The following PLCL1 variants were observed in gnomAD, a reference collection of about 807,000 sequenced individuals.
PLCL1 encodes the protein phospholipase C like 1 (inactive).
In PLCL1, 41 loss-of-function variants were observed where a neutral mutation model predicts 84.4. The ratio of observed to expected loss-of-function variants is 0.49; its 90% CI spans 0.38 to 0.63. PLCL1 has a LOEUF of 0.63. PLCL1 is among the 30% of genes least tolerant of loss of function. PLCL1 has a pLI of 0.00. For synonymous variants in PLCL1, 490 were observed against 488.3 expected (o/e 1.00, Z -0.05); for missense variants, 1,206 against 1,367.8 (o/e 0.88, Z 1.87).
chr2:198,090,079 G>C (rs899246083), intron 3 of PLCL1, among the ~76,000 whole-genome samples: 3 of 151,932 alleles, frequency 2.0e-5, no homozygotes, highest in African/African-American at 7.2e-5. Flanking sequence ...TCCTTTTCTT[G>C]GATTTATTCT....
chr2:197,844,361 G>A (rs1178635946), intron 1 of PLCL1, among the ~76,000 whole-genome samples: 1 of 151,678 alleles, frequency 6.6e-6, no homozygotes, highest in Non-Finnish European at 1.5e-5. Flanking sequence ...GTATAAATGA[G>A]TCATATAATA....
chr2:197,824,540 C>T (rs1000369154), intron 1 of PLCL1, among the ~76,000 whole-genome samples: 1 of 151,480 alleles, frequency 6.6e-6, no homozygotes, highest in East Asian at 1.9e-4. Flanking sequence ...ATAGTGAGAC[C>T]CCATCTGTAC....
At position 197,968,143 on chromosome 2, in the gene PLCL1, T is replaced by C. The variant is rs181476379; in HGVS notation, c.241-115615T>C. 6.3e-4 allele frequency among the ~76,000 whole-genome samples: 96 copies of C among 152,378 alleles called. 3 individuals are homozygous for C. The South Asian group carries it at 0.014, about 22-fold the overall frequency. ...TGCTTTTGTGTGTTACATTATGCTT[T>C]AGAATTTCAAGGTTCTGAAATTATT... On this transcript the variant is annotated intron_variant, in intron 1 of 5. Transcript: ENST00000428675.
chr2:197,897,408 T>C (rs1226790797), intron 1 of PLCL1, among the ~76,000 whole-genome samples: 1 of 152,136 alleles, frequency 6.6e-6, no homozygotes, highest in Admixed American at 6.5e-5. Flanking sequence ...GTTCATAGTG[T>C]GGCTTCTGAG....
intron 3 of PLCL1, among the ~76,000 whole-genome samples, chr2:198,100,401 A>G (rs1693302393): frequency 6.6e-6 from 1 of 152,102 alleles, no homozygotes; most frequent in Admixed American, 6.6e-5. Context: ...CAGGAAACTA[A>G]TAGAGGAGAG....
intron 1 of PLCL1, among the ~76,000 whole-genome samples, chr2:197,873,139 A>G (rs918515544): frequency 6.6e-6 from 1 of 152,160 alleles, no homozygotes; most frequent in Non-Finnish European, 1.5e-5. Flanking sequence ...TTATAATATA[A>G]TTATTCAACA....
chr2:198,139,062 G>A (rs1694322001), intron 5 of PLCL1, among the ~76,000 whole-genome samples: 1 of 152,100 alleles, frequency 6.6e-6, no homozygotes, highest in South Asian at 2.1e-4. Flanking sequence ...GGCTGAGGCA[G>A]GAGAATCGCT....
intron 5 of PLCL1, among the ~76,000 whole-genome samples, chr2:198,140,539 T>C (rs1694361561): frequency 1.3e-5 from 2 of 152,160 alleles, no homozygotes; most frequent in African/African-American, 4.8e-5. Context: ...CAAAGAAAGC[T>C]TGATAGGAAA....
At chr2:198,087,234 T>C (rs1029797862) in intron 2 of PLCL1, among the ~76,000 whole-genome samples, 1 of 152,184 alleles carries the variant, frequency 6.6e-6, no homozygotes, top group Admixed American at 6.5e-5. Context: ...GTTACACTTA[T>C]CGCAAAATTA....
intron 1 of PLCL1, among the ~76,000 whole-genome samples, chr2:197,982,649 T>G (rs1484917281): frequency 6.6e-6 from 1 of 152,216 alleles, no homozygotes; most frequent in Non-Finnish European, 1.5e-5. Flanking sequence ...ATATGTAAAC[T>G]TTAATATATC....
rs560347971 is a variant in PLCL1 at position 198,145,330 on chromosome 2, CAG to C, written c.3106-1447_3106-1446del. On this transcript the variant is annotated intron_variant, in intron 5 of 5. Coordinates refer to ENST00000428675, the MANE Select transcript of PLCL1 (RefSeq NM_006226.4). ...CTTTAGAAAATACATCTCTCACTGA[CAG>C]AGTCTTTAGGCTCTAATCTCTAGTC... 7.9e-5 allele frequency among the ~76,000 whole-genome samples: 12 copies of C among 152,312 alleles called. No homozygotes were observed. In the South Asian group the frequency reaches 2.5e-3, roughly 32 times the overall value.
At chr2:197,983,297 A>G (rs2105806761) in intron 1 of PLCL1, among the ~76,000 whole-genome samples, 1 of 132,718 alleles carries the variant, frequency 7.5e-6, no homozygotes, top group Middle Eastern at 4.5e-3. Flanking sequence ...TGGCACAATC[A>G]CAACTCACTG....
intron 1 of PLCL1, among the ~76,000 whole-genome samples, chr2:197,918,565 A>T (rs1688639462): frequency 6.6e-6 from 1 of 152,210 alleles, no homozygotes; most frequent in South Asian, 2.1e-4. Context: ...ACAGTCTGAT[A>T]CTGTTCTAAA....
chr2:197,945,165 G>A (rs886415230), intron 1 of PLCL1, among the ~76,000 whole-genome samples: 1 of 152,082 alleles, frequency 6.6e-6, no homozygotes, highest in Admixed American at 6.6e-5. Context: ...AATTAGTCAC[G>A]GCAGCTTTGT....
intron 5 of PLCL1, among the ~76,000 whole-genome samples, chr2:198,132,338 G>A (rs748612506): frequency 6.6e-6 from 1 of 152,128 alleles, no homozygotes; most frequent in Non-Finnish European, 1.5e-5. Context: ...CAAGGTCAGC[G>A]TGGGGCTGTT....
intron 1 of PLCL1, among the ~76,000 whole-genome samples, chr2:197,869,252 A>T (rs1462405631): frequency 6.6e-6 from 1 of 152,128 alleles, no homozygotes; most frequent in Non-Finnish European, 1.5e-5. Flanking sequence ...TATCATATCA[A>T]ATTGCTTCCA....
chr2:198,030,806 T>C (rs1351289250), intron 1 of PLCL1, among the ~76,000 whole-genome samples: 2 of 152,214 alleles, frequency 1.3e-5, no homozygotes, highest in Non-Finnish European at 2.9e-5. Context: ...ACATGTTTTC[T>C]ACTCCATTGT....
chr2:198,123,895 T>C (rs187305878), intron 5 of PLCL1, among the ~76,000 whole-genome samples: 1 of 152,108 alleles, frequency 6.6e-6, no homozygotes, highest in Admixed American at 6.5e-5. Flanking sequence ...TGCACCCCTC[T>C]CCAGCCCCCC....
intron 1 of PLCL1, among the ~76,000 whole-genome samples, chr2:197,854,977 C>G (rs1178770522): frequency 1.3e-5 from 2 of 152,094 alleles, no homozygotes; most frequent in East Asian, 3.8e-4. Context: ...TGTGAATATT[C>G]TTTTGGATAA....
Sources: allele counts gnomAD v4.1 joint callset (sites outside exome capture counted in the v4.1 genomes callset), GRCh38; gene constraint gnomAD v4.1.1; transcripts MANE v1.5; gene names NCBI Gene and HGNC (gene_info 2026-07-23, HGNC 2026-07-21).